The following GNG7 variants were observed in gnomAD, a reference collection of about 807,000 sequenced individuals.
The protein encoded by GNG7 is G protein subunit gamma 7.
GNG7 carries 1 observed loss-of-function variant against 4.0 expected under a neutral mutation model. The observed-to-expected ratio is 0.25, with a 90% CI of 0.09 to 1.18. The LOEUF (loss-of-function observed/expected upper bound fraction) is 1.18, where lower values mean the gene tolerates loss of function less well. Among genes scored for constraint, GNG7 ranks in the 50% most tolerant of loss-of-function variants. The pLI is 0.50. For synonymous variants in GNG7, 34 were observed against 36.9 expected (o/e 0.92, Z 0.29); for missense variants, 86 against 91.9 (o/e 0.94, Z 0.26).
intron 1 of GNG7, among the ~76,000 whole-genome samples, chr19:2,647,943 G>A (rs989266596): frequency 2.9e-5 from 4 of 139,884 alleles, no homozygotes; most frequent in Non-Finnish European, 6.1e-5. Flanking sequence ...CAGGAGAATC[G>A]TTTGAACCCG....
intron 2 of GNG7, among the ~76,000 whole-genome samples, chr19:2,644,886 G>A (rs908942513): frequency 4.6e-5 from 7 of 152,144 alleles, no homozygotes; most frequent in Non-Finnish European, 8.8e-5. Context: ...TGGACATTTG[G>A]AGTCTTTGCC....
In GNG7 at chr19:2,661,290, GAAAGAAAGAAAGAGAAA is replaced by G. The variant is rs1568277744; in HGVS notation, c.-134-15027_-134-15011del. 3.4e-3 allele frequency among the ~76,000 whole-genome samples: 163 copies of G among 47,606 alleles called. 3 individuals carry two copies. Among genetic ancestry groups the G allele is most frequent in the East Asian group, 0.023 (34 of 1,506 alleles). The allele number at this position is 47,606 out of a possible 152,430, so 31.2% of individuals were successfully genotyped here. A position where few individuals can be genotyped will look rare whatever the true frequency, so the allele number is the denominator to read the frequency against. ...GAAAGAAAAGAAAGAAAGAAAGAAA[GAAAGAAAGAAAGAGAAA>G]GAAAGAAAGAAAGAAAGAAAGAAAG... On this transcript the variant is annotated intron_variant, in intron 1 of 4. Coordinates refer to ENST00000382159, the MANE Select transcript of GNG7 (RefSeq NM_052847.3).
intron 2 of GNG7, among the ~76,000 whole-genome samples, chr19:2,573,471 C>T (rs189538390): frequency 9.2e-5 from 14 of 152,272 alleles, no homozygotes; most frequent in Admixed American, 4.6e-4. Context: ...CCCCTCACAG[C>T]TGCGTGGCTT....
chr19:2,547,906 C>T (rs1979180136), intron 3 of GNG7, among the ~76,000 whole-genome samples: 1 of 152,178 alleles, frequency 6.6e-6, no homozygotes, highest in Non-Finnish European at 1.5e-5. Context: ...CCTGGTAGGC[C>T]CACCCCTCTG....
intron 1 of GNG7, among the ~76,000 whole-genome samples, chr19:2,659,349 TGG>T (rs925117996): frequency 1.3e-5 from 2 of 149,514 alleles, no homozygotes; most frequent in African/African-American, 4.9e-5. Context: ...GAGGCTGAGA[TGG>T]GGGGATCACC....
intron 1 of GNG7, among the ~76,000 whole-genome samples, chr19:2,648,678 C>T (rs1251423106): frequency 2.0e-5 from 3 of 152,152 alleles, no homozygotes; most frequent in Admixed American, 1.3e-4. Context: ...CACCCTTGGG[C>T]TCTGGCAGCA....
chr19:2,581,819 T>C (rs1444796590), intron 2 of GNG7, among the ~76,000 whole-genome samples: 1 of 152,184 alleles, frequency 6.6e-6, no homozygotes, highest in Non-Finnish European at 1.5e-5. Flanking sequence ...TTTCACAAGG[T>C]GACAAGTGGC....
At chr19:2,561,815 A>G (rs1202595409) in intron 2 of GNG7, among the ~76,000 whole-genome samples, 4 of 151,792 alleles carry the variant, frequency 2.6e-5, no homozygotes. Flanking sequence ...TGGGAGGCAG[A>G]GGTTGCAGTG....
At chr19:2,569,767 GACA>G (rs1356217931) in intron 2 of GNG7, among the ~76,000 whole-genome samples, 2 of 152,050 alleles carry the variant, frequency 1.3e-5, no homozygotes, top group Non-Finnish European at 2.9e-5. Flanking sequence ...TCCCCATCGG[GACA>G]ACCACAGATG....
At chr19:2,655,300 C>T (rs1354025026) in intron 1 of GNG7, among the ~76,000 whole-genome samples, 4 of 151,834 alleles carry the variant, frequency 2.6e-5, no homozygotes, top group African/African-American at 4.8e-5. Context: ...GACACGCAGG[C>T]AGCCAACAGG....
chr19:2,686,591 G>A (rs1057108441), intron 1 of GNG7, among the ~76,000 whole-genome samples: 2 of 152,110 alleles, frequency 1.3e-5, no homozygotes, highest in East Asian at 1.9e-4. Context: ...CCGGCAGGAC[G>A]CATATGTCTC....
At chr19:2,677,142 T>C (rs1983613722) in intron 1 of GNG7, among the ~76,000 whole-genome samples, 1 of 152,108 alleles carries the variant, frequency 6.6e-6, no homozygotes, top group South Asian at 2.1e-4. Context: ...GAGCAGGATC[T>C]GGGAACGTCC....
intron 2 of GNG7, among the ~76,000 whole-genome samples, chr19:2,555,941 G>C (rs1242295494): frequency 6.6e-6 from 1 of 152,020 alleles, no homozygotes; most frequent in African/African-American, 2.4e-5. Context: ...AATGCACAGT[G>C]CACGGATCGC....
chr19:2,588,102 A>G (rs138488336), intron 2 of GNG7, among the ~76,000 whole-genome samples: 15 of 152,306 alleles, frequency 9.8e-5, no homozygotes, highest in Non-Finnish European at 1.6e-4. Context: ...TCTATTTGCA[A>G]ACGGCCTGTT....
intron 2 of GNG7, among the ~76,000 whole-genome samples, chr19:2,629,798 A>T (rs900520557): frequency 6.6e-6 from 1 of 152,112 alleles, no homozygotes; most frequent in Non-Finnish European, 1.5e-5. Flanking sequence ...TGGACACTTA[A>T]TGTTCCTGCA....
At position 2,511,954 on chromosome 19, in the gene GNG7, G is replaced by A. The variant is rs767610627; in HGVS notation, c.*3068C>T. 1.3e-5 allele frequency: 13 copies of A among 985,890 alleles called. No homozygotes were observed. The highest frequency in any genetic ancestry group is 1.7e-5 in the African/African-American group (1 of 57,320). The allele number at this position is 985,890 out of a possible 1,614,324, so 61.1% of individuals were successfully genotyped here. ...TGCCCAGGTGGGTCACAACAGGGTC[G>A]GGGCCTGGCCCGCTGTGGCCCTTCA... On this transcript the variant is annotated 3_prime_UTR_variant, in exon 5 of 5. Transcript: ENST00000382159. The surrounding 1 kb of genome is among the most constrained non-coding windows in gnomAD (Gnocchi z 6.3).
intron 2 of GNG7, among the ~76,000 whole-genome samples, chr19:2,584,508 G>A (rs150632228): frequency 0.011 from 1,685 of 150,450 alleles, 40 homozygotes; most frequent in African/African-American, 0.039. Flanking sequence ...GAGGAGGGAG[G>A]ATCACTTGAG....
At chr19:2,620,727 G>C (rs531737640) in intron 2 of GNG7, among the ~76,000 whole-genome samples, 2 of 152,130 alleles carry the variant, frequency 1.3e-5, no homozygotes, top group African/African-American at 4.8e-5. Context: ...TGTAATCCCA[G>C]CTACTTGGGA....
intron 3 of GNG7, among the ~76,000 whole-genome samples, chr19:2,531,773 A>ACC (rs879482295): frequency 0.27 from 37,252 of 136,702 alleles, 4,952 homozygotes; most frequent in East Asian, 0.49. Flanking sequence ...TCCGTCCCAA[A>ACC]AAAAAAAAAA....
Sources: allele counts gnomAD v4.1 joint callset (sites outside exome capture counted in the v4.1 genomes callset), GRCh38; gene constraint gnomAD v4.1.1; non-coding constraint Gnocchi (gnomAD v3.1); transcripts MANE v1.5; gene names NCBI Gene and HGNC (gene_info 2026-07-23, HGNC 2026-07-21).